Variants in VAV2 observed in about 807,000 individuals in gnomAD.
The protein encoded by VAV2 is vav guanine nucleotide exchange factor 2.
Under a neutral mutation model 132.5 loss-of-function variants are expected in VAV2, and 67 were observed. The observed-to-expected ratio is 0.51, with a 90% CI of 0.42 to 0.62. The LOEUF is 0.62. Among genes scored for constraint, VAV2 ranks in the 20% least tolerant of loss-of-function variants. VAV2 has a pLI of 0.00. For missense variants in VAV2, 938 were observed against 1,153.6 expected (o/e 0.81, Z 2.71); for synonymous variants, 492 against 443.5 (o/e 1.11, Z -1.37).
At chr9:133,878,454 T>C (rs1838354192) in intron 2 of VAV2, among the ~76,000 whole-genome samples, 1 of 151,934 alleles carries the variant, frequency 6.6e-6, no homozygotes, top group Non-Finnish European at 1.5e-5. Flanking sequence ...TGAGGCAGAG[T>C]CTTGGTTTCC....
chr9:133,916,818 G>A (rs1840108748), intron 2 of VAV2, among the ~76,000 whole-genome samples: 1 of 152,148 alleles, frequency 6.6e-6, no homozygotes, highest in African/African-American at 2.4e-5. Flanking sequence ...TTAGGTCAAG[G>A]GGTGTGAAGG....
chr9:133,877,760 G>T (rs1274413098), intron 2 of VAV2, among the ~76,000 whole-genome samples: 1 of 152,190 alleles, frequency 6.6e-6, no homozygotes, highest in Non-Finnish European at 1.5e-5. Context: ...GTTTCCAGTG[G>T]CTTCACTGGC....
rs202090034 is a variant in VAV2 at position 133,780,666 on chromosome 9, A to G, written c.1740+28T>C. 1,530 of 1,286,574 alleles carry G rather than the reference A, an allele frequency of 1.2e-3. 27 individuals carry two copies. In the African/African-American group the frequency reaches 0.021, roughly 17 times the overall value. 79.7% of individuals were successfully genotyped at this position (1,286,574 alleles called of 1,614,324 possible). On this transcript the variant is annotated intron_variant, in intron 20 of 29. Coordinates refer to ENST00000371850, the MANE Select transcript of VAV2 (RefSeq NM_001134398.2). Reference sequence around the variant, plus strand: ...CAGGGATGTGGCGGGGGTGGGGCAGAGGGAGGGGAAACACTCTGGGGACTT... The same window carrying G: ...CAGGGATGTGGCGGGGGTGGGGCAGGGGGAGGGGAAACACTCTGGGGACTT...
At position 133,788,278 on chromosome 9, in the gene VAV2, G is replaced by A; in HGVS notation, c.1407+76C>T. 2.2e-6 allele frequency: 3 copies of A among 1,351,336 alleles called. No individual in the cohort carries two copies. Among genetic ancestry groups the A allele is most frequent in the Non-Finnish European group, 2.0e-6 (2 of 1,008,882 alleles). The allele number at this position is 1,351,336 out of a possible 1,614,324, so 83.7% of individuals were successfully genotyped here. A position where few individuals can be genotyped will look rare whatever the true frequency, so the allele number is the denominator to read the frequency against. On this transcript the variant is annotated intron_variant, in intron 15 of 29. Transcript: ENST00000371850. The surrounding 1 kb of genome is among the most constrained non-coding windows in gnomAD (Gnocchi z 5.3). Reference sequence around the variant, plus strand: ...GGCTGACTTCGAGTCCCCTTCCCCTGGGGTCTGGAACCCAGTGCCTCTCTC... The same window carrying A: ...GGCTGACTTCGAGTCCCCTTCCCCTAGGGTCTGGAACCCAGTGCCTCTCTC...
At chr9:133,780,097 GC>G in intron 20 of VAV2, 158 bp from the exon 21 acceptor site, 2 of 942,238 alleles carry the variant, frequency 2.1e-6, no homozygotes, top group Non-Finnish European at 3.2e-6. Context: ...CCTATGGGAC[GC>G]CCCCACCCTG....
chr9:133,917,136 A>C lies in VAV2; in HGVS notation c.321+21967T>G, dbSNP rs533887014. Among the ~76,000 whole-genome samples the C allele has an allele frequency of 2.0e-5, 3 of 151,916 alleles. No homozygotes were observed. In the South Asian group the frequency reaches 6.3e-4, roughly 32 times the overall value. ...GGCCCCAGACCTGCTCCCCACCCAG[A>C]GGCCTATGACAGCCTAGCCCTAGAG... On this transcript the variant is annotated intron_variant, in intron 2 of 29. Coordinates refer to ENST00000371850, the MANE Select transcript of VAV2 (RefSeq NM_001134398.2).
At chr9:133,836,229 C>A (rs143328451) in intron 3 of VAV2, among the ~76,000 whole-genome samples, 9 of 152,284 alleles carry the variant, frequency 5.9e-5, no homozygotes, top group Non-Finnish European at 1.2e-4. Context: ...CGCAGGTGAC[C>A]CCAGAAAGCA....
At chr9:133,895,442 T>C (rs1314539288) in intron 2 of VAV2, among the ~76,000 whole-genome samples, 2 of 152,322 alleles carry the variant, frequency 1.3e-5, no homozygotes, top group African/African-American at 4.8e-5. Context: ...AACAGATGAA[T>C]GGGCAAACAA....
At chr9:133,890,249 C>T (rs997729827) in intron 2 of VAV2, among the ~76,000 whole-genome samples, 4 of 146,212 alleles carry the variant, frequency 2.7e-5, no homozygotes, top group African/African-American at 1.0e-4. Flanking sequence ...TGGTTTCTTC[C>T]GAGGAGCCAG....
At chr9:133,950,058 T>C (rs1347454509) in intron 1 of VAV2, among the ~76,000 whole-genome samples, 1 of 152,186 alleles carries the variant, frequency 6.6e-6, no homozygotes, top group African/African-American at 2.4e-5. Flanking sequence ...AGGGTCTGTC[T>C]GTCCACAGCC....
rs193228749 is a variant in VAV2 at position 133,835,365 on chromosome 9, G to A, written c.381-1025C>T. Among the ~76,000 whole-genome samples, 38 of 139,054 alleles carry A rather than the reference G, an allele frequency of 2.7e-4. No homozygotes were observed. The Middle Eastern group carries it at 0.011, about 39-fold the overall frequency. The allele number at this position is 139,054 out of a possible 152,430, so 91.2% of individuals were successfully genotyped here. A position where few individuals can be genotyped will look rare whatever the true frequency, so the allele number is the denominator to read the frequency against. Reference sequence around the variant, plus strand: ...CAGCACAGGCCAACCACTCAGAGCTGAAATGTCAGGTCAGCCTCAGGAAGC... The same window carrying A: ...CAGCACAGGCCAACCACTCAGAGCTAAAATGTCAGGTCAGCCTCAGGAAGC... On this transcript the variant is annotated intron_variant, in intron 3 of 29. Coordinates refer to ENST00000371850, the MANE Select transcript of VAV2 (RefSeq NM_001134398.2).
chr9:133,970,844 T>C (rs2132256019), intron 1 of VAV2, among the ~76,000 whole-genome samples: 1 of 152,338 alleles, frequency 6.6e-6, no homozygotes, highest in South Asian at 2.1e-4. Context: ...GCTTCTGTAC[T>C]CTTGCTTTAA....
At chr9:133,983,199 G>A (rs1366968672) in intron 1 of VAV2, among the ~76,000 whole-genome samples, 5 of 152,174 alleles carry the variant, frequency 3.3e-5, no homozygotes, top group African/African-American at 1.2e-4. Flanking sequence ...TGTCCTGGGA[G>A]TCCCACCCCT....
In VAV2 at chr9:133,788,408, C is replaced by G. The variant is rs949387662; in HGVS notation, c.1353G>C (p.Glu451Asp). The G allele has an allele frequency of 1.9e-6, 3 of 1,612,254 alleles. No individual in the cohort carries two copies. The highest frequency in any genetic ancestry group is 2.5e-6 in the Non-Finnish European group (3 of 1,178,542). ...GYSYELKEII[E>D]LLFHKMTDDP... is the part of the protein sequence containing the mutation. ...CGTCGGTCATCTTGTGGAACAGCAG[C>G]TCGATGATCTCCTTGAGCTCGTAGC... Residue 451 changes from glutamate (E) to aspartate (D), a missense_variant, in exon 15 of 30, where the codon GAG becomes GAC. Transcript: ENST00000371850. This position sits in a 1 kb window ranked among gnomAD's most constrained non-coding sequence, Gnocchi z 5.3.
intron 12 of VAV2, among the ~76,000 whole-genome samples, chr9:133,793,123 C>T (rs1429254399): frequency 2.0e-5 from 3 of 152,140 alleles, no homozygotes; most frequent in Non-Finnish European, 4.4e-5. Flanking sequence ...GGTCTGGCCA[C>T]CCCCACTCCG....
At chr9:133,945,436 C>T (rs1385629550) in intron 1 of VAV2, among the ~76,000 whole-genome samples, 3 of 152,218 alleles carry the variant, frequency 2.0e-5, no homozygotes, top group Admixed American at 2.0e-4. Context: ...CACGCATGCG[C>T]CATTTCACAG....
chr9:133,832,592 CTT>C (rs1436478265), intron 4 of VAV2, among the ~76,000 whole-genome samples: 1 of 151,610 alleles, frequency 6.6e-6, no homozygotes, highest in Non-Finnish European at 1.5e-5. Context: ...GAGTTTCACT[CTT>C]GTCGCCCAGG....
At chr9:133,795,225 G>A (rs1008371925) in intron 12 of VAV2, among the ~76,000 whole-genome samples, 6 of 152,184 alleles carry the variant, frequency 3.9e-5, no homozygotes, top group African/African-American at 2.4e-5. Context: ...AGAGAGGGAG[G>A]CATGGCTGGC....
chr9:133,966,535 G>A (rs780364538), intron 1 of VAV2, among the ~76,000 whole-genome samples: 42 of 152,054 alleles, frequency 2.8e-4, no homozygotes, highest in African/African-American at 6.8e-4. Context: ...GCGAGACCCC[G>A]TCTCTACAAA....
Sources: allele counts gnomAD v4.1 joint callset (sites outside exome capture counted in the v4.1 genomes callset), GRCh38; gene constraint gnomAD v4.1.1; non-coding constraint Gnocchi (gnomAD v3.1); transcripts MANE v1.5; gene names NCBI Gene and HGNC (gene_info 2026-07-23, HGNC 2026-07-21).